Variants in PLPP4 observed in about 807,000 individuals in gnomAD.
The protein encoded by PLPP4 is phospholipid phosphatase 4.
A neutral mutation model predicts 32.2 loss-of-function variants in PLPP4; 20 were observed. That is an observed-to-expected ratio of 0.62 (90% CI 0.44 to 0.90). PLPP4 has a LOEUF of 0.90. Among genes scored for constraint, PLPP4 ranks in the 40% least tolerant of loss-of-function variants. PLPP4 has a pLI of 0.00. For missense variants in PLPP4, 257 were observed against 353.1 expected (o/e 0.73, Z 2.18); for synonymous variants, 127 against 133.0 (o/e 0.95, Z 0.31).
chr10:120,549,942 C>T (rs1389043792), intron 5 of PLPP4, among the ~76,000 whole-genome samples: 2 of 151,910 alleles, frequency 1.3e-5, no homozygotes, highest in African/African-American at 4.8e-5. Flanking sequence ...AAAGAGATGT[C>T]TATTTCTACT....
chr10:120,463,019 C>CTTT lies in PLPP4; in HGVS notation c.56+5678_56+5680dup, dbSNP rs71019771. 6.4e-4 allele frequency among the ~76,000 whole-genome samples: 57 copies of CTTT among 89,228 alleles called. 1 individual carries two copies. The highest frequency in any genetic ancestry group is 1.0e-3 in the Non-Finnish European group (45 of 44,568). The allele number at this position is 89,228 out of a possible 152,430, so 58.5% of individuals were successfully genotyped here. A position where few individuals can be genotyped will look rare whatever the true frequency, so the allele number is the denominator to read the frequency against. ...TTGCTCTCTAGAAACAAGTTTCTTT[C>CTTT]TTTTTTTTTTTTTTTTTTTTTTGAG... On this transcript the variant is annotated intron_variant, in intron 1 of 6. Coordinates refer to ENST00000398250, the MANE Select transcript of PLPP4 (RefSeq NM_001030059.3).
rs142881918 is a variant in PLPP4 at position 120,562,709 on chromosome 10, A to G, written c.446-12422A>G. ...TTTAAAAAATTTTAAACCTGCTTTA[A>G]TTCCTGGAATTAACCTACCTTGGCT... On this transcript the variant is annotated intron_variant, in intron 5 of 6. Coordinates refer to ENST00000398250, the MANE Select transcript of PLPP4 (RefSeq NM_001030059.3). Among the ~76,000 whole-genome samples, 1,298 of 152,338 alleles carry G rather than the reference A, an allele frequency of 8.5e-3. 23 individuals carry two copies. The highest frequency in any genetic ancestry group is 0.03 in the African/African-American group (1,246 of 41,560).
chr10:120,538,032 CTCTCTCTCTCTCTCTCTCTCTG>C (rs1564825081), intron 5 of PLPP4, among the ~76,000 whole-genome samples: 18 of 60,754 alleles, frequency 3.0e-4, no homozygotes, highest in African/African-American at 1.5e-4. Flanking sequence ...CTCTCTCTCT[CTCTCTCTCTCTCTCTCTCTCTG>C]TGTGTGTGTG....
chr10:120,574,184 T>TA (rs1849096969), intron 5 of PLPP4, among the ~76,000 whole-genome samples: 1 of 111,630 alleles, frequency 9.0e-6, no homozygotes, highest in South Asian at 4.2e-4. Flanking sequence ...TCTCTCTCTC[T>TA]CTCTCTCTCT....
chr10:120,507,291 T>A (rs1845531592), intron 2 of PLPP4, among the ~76,000 whole-genome samples: 1 of 152,024 alleles, frequency 6.6e-6, no homozygotes. Context: ...TAATACAAAA[T>A]GGAATCTGAA....
At position 120,579,417 on chromosome 10, in the gene PLPP4, T is replaced by C. The variant is rs80106951; in HGVS notation, c.616+4116T>C. Among the ~76,000 whole-genome samples, 1,052 of 152,256 alleles carry C rather than the reference T, an allele frequency of 6.9e-3. 14 individuals are homozygous for C. Among genetic ancestry groups the C allele is most frequent in the African/African-American group, 0.023 (949 of 41,542 alleles). ...TCTAACCGGGCTGAAGTTTTCAAGA[T>C]GGCCATTATTGCGTTCGCCTGCTTT... On this transcript the variant is annotated intron_variant, in intron 6 of 6. Transcript: ENST00000398250.
intron 3 of PLPP4, among the ~76,000 whole-genome samples, chr10:120,515,565 G>A (rs368378193): frequency 1.3e-5 from 2 of 152,158 alleles, no homozygotes; most frequent in African/African-American, 2.4e-5. Context: ...CCAGCCTGTC[G>A]ATGCCCTCCC....
At chr10:120,554,204 A>G (rs1303200466) in intron 5 of PLPP4, among the ~76,000 whole-genome samples, 1 of 152,130 alleles carries the variant, frequency 6.6e-6, no homozygotes, top group Non-Finnish European at 1.5e-5. Flanking sequence ...TCTGCCAGAT[A>G]CTGTAAATGA....
At chr10:120,565,355 T>TGCGC (rs151034242) in intron 5 of PLPP4, among the ~76,000 whole-genome samples, 3 of 132,588 alleles carry the variant, frequency 2.3e-5, no homozygotes, top group Non-Finnish European at 3.3e-5. Flanking sequence ...TGTGTGTGTG[T>TGCGC]GTGTGTGCTG....
chr10:120,537,228 A>T (rs1015150554), intron 5 of PLPP4, among the ~76,000 whole-genome samples: 8 of 152,228 alleles, frequency 5.3e-5, no homozygotes, highest in Non-Finnish European at 1.0e-4. Flanking sequence ...TGTCAAAGAG[A>T]TATCTGTACC....
In PLPP4 at chr10:120,518,850, G is replaced by C. The variant is rs1213379904; in HGVS notation, c.274G>C (p.Ala92Pro). ...TTTTGTAGCGGTGTCCTTGGCTCTT[G>C]CTTTGAATGGAGTCTGCACAAACAC... Reference protein sequence around the residue: ...EAFLAVSLALALNGVCTNTIK... With the variant: ...EAFLAVSLALPLNGVCTNTIK... The change falls in exon 4 of 7, where the codon GCT (alanine) becomes CCT (proline). Residue 92 changes from alanine to proline, a missense_variant. By Grantham distance (27) the Ala-to-Pro change is conservative (BLOSUM62 -1). Coordinates refer to ENST00000398250, the MANE Select transcript of PLPP4 (RefSeq NM_001030059.3). The C allele has an allele frequency of 2.5e-6, 4 of 1,612,668 alleles. No homozygotes were observed. The highest frequency in any genetic ancestry group is 3.4e-6 in the Non-Finnish European group (4 of 1,179,368).
At chr10:120,457,813 G>A (rs796183221) in intron 1 of PLPP4, among the ~76,000 whole-genome samples, 5 of 152,124 alleles carry the variant, frequency 3.3e-5, no homozygotes, top group African/African-American at 9.6e-5. Flanking sequence ...CCGTGTCCCT[G>A]GCTTTAGCGC....
chr10:120,543,378 C>A (rs541006992), intron 5 of PLPP4, among the ~76,000 whole-genome samples: 3 of 152,300 alleles, frequency 2.0e-5, no homozygotes, highest in Non-Finnish European at 4.4e-5. Context: ...TGGCCTGTTA[C>A]CCCTGATAGC....
chr10:120,577,009 G>A (rs991964282), intron 6 of PLPP4, among the ~76,000 whole-genome samples: 4 of 152,204 alleles, frequency 2.6e-5, no homozygotes, highest in Non-Finnish European at 5.9e-5. Context: ...TTGAGCACAG[G>A]AACTATCCCT....
chr10:120,577,700 A>C (rs1467742214), intron 6 of PLPP4, among the ~76,000 whole-genome samples: 2 of 152,140 alleles, frequency 1.3e-5, no homozygotes, highest in Non-Finnish European at 2.9e-5. Context: ...TGCAGCCCAA[A>C]CTGAATGTGC....
intron 1 of PLPP4, chr10:120,503,431 A>T: frequency 1.1e-6 from 1 of 921,090 alleles, no homozygotes; most frequent in Admixed American, 2.2e-5. Flanking sequence ...TGTGCCAGTT[A>T]CTCCCTCCCT....
intron 1 of PLPP4, among the ~76,000 whole-genome samples, chr10:120,484,264 G>A (rs967996870): frequency 6.6e-6 from 1 of 152,202 alleles, no homozygotes; most frequent in Admixed American, 6.5e-5. Context: ...TTACCTAACA[G>A]TATATCATTG....
At chr10:120,508,466 C>A (rs1284589290) in intron 2 of PLPP4, among the ~76,000 whole-genome samples, 1 of 152,170 alleles carries the variant, frequency 6.6e-6, no homozygotes, top group Non-Finnish European at 1.5e-5. Context: ...CTGGCTAACA[C>A]CCTCGCATCG....
rs577365809 is a variant in PLPP4 at position 120,586,405 on chromosome 10, A to G, written c.617-2898A>G. 3.9e-5 allele frequency among the ~76,000 whole-genome samples: 6 copies of G among 152,088 alleles called. No individual in the cohort carries two copies. In the East Asian group the frequency reaches 9.7e-4, roughly 25 times the overall value. On this transcript the variant is annotated intron_variant, in intron 6 of 6. Transcript: ENST00000398250. Reference sequence around the variant, plus strand: ...TCAGTTCGCCCTCCTTGGTCTCACAAAGTGCTAGGGGATATGACCTATTTT... The same window carrying G: ...TCAGTTCGCCCTCCTTGGTCTCACAGAGTGCTAGGGGATATGACCTATTTT...
Sources: allele counts gnomAD v4.1 joint callset (sites outside exome capture counted in the v4.1 genomes callset), GRCh38; gene constraint gnomAD v4.1.1; transcripts MANE v1.5; gene names NCBI Gene and HGNC (gene_info 2026-07-23, HGNC 2026-07-21).